The following NHSL1 variants were observed in gnomAD, a reference collection of about 807,000 sequenced individuals.
The protein encoded by NHSL1 is NHS-like protein 1.
In NHSL1, 48 loss-of-function variants were observed where a neutral mutation model predicts 95.0. The ratio of observed to expected loss-of-function variants is 0.51; its 90% CI spans 0.40 to 0.64. The LOEUF is 0.64. NHSL1 is among the 30% of genes least tolerant of loss of function. The pLI is 0.00. For synonymous variants in NHSL1, 783 were observed against 833.9 expected (o/e 0.94, Z 1.05); for missense variants, 1,971 against 2,077.7 (o/e 0.95, Z 1.00).
intron 1 of NHSL1, among the ~76,000 whole-genome samples, chr6:138,604,741 T>C (rs142987275): frequency 7.2e-4 from 110 of 152,234 alleles, no homozygotes; most frequent in African/African-American, 2.6e-3. Flanking sequence ...TTCTTATGCC[T>C]CGGCCACCTG....
chr6:138,472,135 T>C (rs1291787060), intron 3 of NHSL1, among the ~76,000 whole-genome samples: 1 of 149,574 alleles, frequency 6.7e-6, no homozygotes, highest in African/African-American at 2.5e-5. Context: ...TGAGCCAAGA[T>C]TGCATCACTG....
intron 1 of NHSL1, among the ~76,000 whole-genome samples, chr6:138,593,504 C>A (rs1784261260): frequency 6.6e-6 from 1 of 152,224 alleles, no homozygotes; most frequent in South Asian, 2.1e-4. Flanking sequence ...ATGCAATTCT[C>A]AAATCAGTGA....
At chr6:138,473,694 A>C (rs1207045178) in intron 2 of NHSL1, among the ~76,000 whole-genome samples, 3 of 152,172 alleles carry the variant, frequency 2.0e-5, no homozygotes, top group African/African-American at 7.2e-5. Flanking sequence ...TGTGAGGTAG[A>C]CACCATCATT....
At chr6:138,595,132 C>A (rs190589093) in intron 1 of NHSL1, among the ~76,000 whole-genome samples, 1 of 152,270 alleles carries the variant, frequency 6.6e-6, no homozygotes, top group East Asian at 1.9e-4. Context: ...CTTCTAAGTA[C>A]GTCAATCACC....
intron 1 of NHSL1, among the ~76,000 whole-genome samples, chr6:138,625,010 T>C (rs1045184889): frequency 6.6e-6 from 1 of 152,188 alleles, no homozygotes; most frequent in South Asian, 2.1e-4. Context: ...GAGAGAGATA[T>C]TCTGTCTTAA....
At chr6:138,619,947 C>CAAAAAAAAA (rs11376703) in intron 1 of NHSL1, among the ~76,000 whole-genome samples, 2 of 102,166 alleles carry the variant, frequency 2.0e-5, no homozygotes, top group Non-Finnish European at 3.9e-5. Context: ...AACTCTATCA[C>CAAAAAAAAA]AAAAAAAAAA....
At position 138,431,384 on chromosome 6, in the gene NHSL1, A is replaced by G; in HGVS notation, c.2961T>C (p.Asp987=). The G allele has an allele frequency of 6.5e-7, 1 of 1,548,942 alleles. No individual in the cohort carries two copies. Among genetic ancestry groups the G allele is most frequent in the Non-Finnish European group, 8.7e-7 (1 of 1,145,958 alleles). Residue 987 remains aspartate (D), a synonymous_variant, in exon 6 of 8, where the codon GAT becomes GAC. Coordinates refer to ENST00000343505, the MANE Select transcript of NHSL1 (RefSeq NM_001144060.2). This position sits in a 1 kb window ranked among gnomAD's most constrained non-coding sequence, Gnocchi z 4.0. ...CAGGGCGGGGAGGAGAAAGGCACCAATCAGGTGGGGAGCAGAAAGGAATGA... is the reference window on the plus strand; with the variant it reads ...CAGGGCGGGGAGGAGAAAGGCACCAGTCAGGTGGGGAGCAGAAAGGAATGA... ...EALIPFCSPP[D]WCLSPPRPAL...
At chr6:138,651,630 C>T (rs540070813) in intron 1 of NHSL1, among the ~76,000 whole-genome samples, 6 of 152,180 alleles carry the variant, frequency 3.9e-5, no homozygotes, top group South Asian at 4.1e-4. Flanking sequence ...AACATGGATC[C>T]GGAGCATATA....
intron 1 of NHSL1, among the ~76,000 whole-genome samples, chr6:138,585,796 C>CA (rs1784126075): frequency 6.6e-6 from 1 of 151,808 alleles, no homozygotes; most frequent in Non-Finnish European, 1.5e-5. Flanking sequence ...CCTATAATCC[C>CA]AGCGCTTTGG....
At chr6:138,433,766 T>C in intron 5 of NHSL1, 86 bp from the exon 6 acceptor site, 1 of 1,386,388 alleles carries the variant, frequency 7.2e-7, no homozygotes, top group Non-Finnish European at 9.4e-7. Flanking sequence ...GACAGAATTT[T>C]AAAAAAATTT....
chr6:138,687,017 G>A (rs547927583), intron 1 of NHSL1, among the ~76,000 whole-genome samples: 13 of 152,248 alleles, frequency 8.5e-5, no homozygotes, highest in African/African-American at 2.9e-4. Flanking sequence ...TTAGAGGGGG[G>A]TGCGGGCCAC....
At chr6:138,488,558 A>G (rs1779856200) in intron 2 of NHSL1, among the ~76,000 whole-genome samples, 1 of 152,236 alleles carries the variant, frequency 6.6e-6, no homozygotes, top group Non-Finnish European at 1.5e-5. Flanking sequence ...TATAGATATT[A>G]ATCAAACATG....
chr6:138,438,334 G>C (rs888378731), intron 5 of NHSL1, among the ~76,000 whole-genome samples: 7 of 152,116 alleles, frequency 4.6e-5, no homozygotes, highest in African/African-American at 1.7e-4. Context: ...TTAGCAATCA[G>C]GTATTTTTAC....
At chr6:138,529,589 G>A (rs1404354694) in intron 1 of NHSL1, among the ~76,000 whole-genome samples, 3 of 152,190 alleles carry the variant, frequency 2.0e-5, no homozygotes, top group Admixed American at 2.0e-4. Flanking sequence ...AAACTTAACT[G>A]TCGGCCAGCC....
intron 1 of NHSL1, chr6:138,571,677 T>C (rs41289797): frequency 0.087 from 133,738 of 1,543,752 alleles, 6,069 homozygotes; most frequent in South Asian, 0.13. Flanking sequence ...ACAAACTTTT[T>C]CAAATGTTTA....
chr6:138,659,729 T>C (rs1212710600), intron 1 of NHSL1, among the ~76,000 whole-genome samples: 1 of 151,278 alleles, frequency 6.6e-6, no homozygotes, highest in African/African-American at 2.4e-5. Context: ...TTGTTTTTTT[T>C]TTTTTGAGAT....
intron 1 of NHSL1, among the ~76,000 whole-genome samples, chr6:138,594,891 G>A (rs547691159): frequency 7.2e-5 from 11 of 152,190 alleles, no homozygotes; most frequent in African/African-American, 1.9e-4. Context: ...CCACAAAATC[G>A]TTCAGGGGCC....
chr6:138,431,692 C>T lies in NHSL1; in HGVS notation c.2653G>A (p.Val885Ile). ...ANGKGKPKPK[V>I]PERKSSLISS... ...ATCAGAGAGGACTTCCTTTCTGGTA[C>T]CTTGGGCTTGGGCTTCCCCTTCCCG... Residue 885 changes from valine to isoleucine, a missense_variant, in exon 6 of 8, where the codon GTA (valine) becomes ATA (isoleucine). By Grantham distance (29) the Val-to-Ile change is conservative. Transcript: ENST00000343505. The surrounding 1 kb of genome is among the most constrained non-coding windows in gnomAD (Gnocchi z 4.0). 6.4e-7 allele frequency: 1 copy of T among 1,551,672 alleles called. No individual in the cohort carries two copies. Among genetic ancestry groups the T allele is most frequent in the Non-Finnish European group, 8.7e-7 (1 of 1,146,968 alleles).
At chr6:138,620,988 T>C (rs751628431) in intron 1 of NHSL1, among the ~76,000 whole-genome samples, 3 of 152,124 alleles carry the variant, frequency 2.0e-5, no homozygotes, top group Non-Finnish European at 4.4e-5. Context: ...GGGGACATGC[T>C]GTAGGACTCC....
Sources: gnomAD v4.1 joint callset for allele counts (sites outside exome capture counted in the v4.1 genomes callset) on GRCh38, gnomAD v4.1.1 for gene constraint, Gnocchi (gnomAD v3.1) non-coding constraint, MANE v1.5 for transcripts, NCBI Gene and HGNC (gene_info 2026-07-23, HGNC 2026-07-21) for gene names.